Variants in TENT5D observed in about 807,000 individuals in gnomAD.
TENT5D encodes cancer/testis antigen 112.
For missense variants in TENT5D, 191 were observed against 287.0 expected (o/e 0.67, Z 2.42); for synonymous variants, 103 against 100.6 (o/e 1.02, Z -0.15).
chrX:80,371,307 G>T (rs902780536), intron 3 of TENT5D, among the ~76,000 whole-genome samples: 3 of 111,181 alleles, frequency 2.7e-5, no homozygotes. Context: ...CTATTTATAG[G>T]GCATAGAAAG....
intron 3 of TENT5D, among the ~76,000 whole-genome samples, chrX:80,376,778 C>G (rs1268169919): frequency 9.0e-6 from 1 of 111,564 alleles, no homozygotes; most frequent in East Asian, 2.8e-4. Context: ...ATTTTAAGGT[C>G]AAACATAGCA....
chrX:80,397,965 G>A lies in TENT5D; in HGVS notation c.-141-40645G>A, dbSNP rs184727366. 3.7e-3 allele frequency among the ~76,000 whole-genome samples: 405 copies of A among 110,913 alleles called. 2 individuals carry two copies. Among genetic ancestry groups the A allele is most frequent in the African/African-American group, 0.012 (380 of 30,464 alleles). ...CGTGGGAGAGGGCGAGGGAGGGAGA[G>A]GGAGAGGGAGAGGGAGAGGGAGCTA... On this transcript the variant is annotated intron_variant, in intron 3 of 4. Transcript: ENST00000538312.
intron 3 of TENT5D, among the ~76,000 whole-genome samples, chrX:80,411,100 G>C (rs1271817932): frequency 2.6e-5 from 2 of 76,488 alleles, no homozygotes; most frequent in African/African-American, 9.8e-5. Context: ...GTTGTGGGGT[G>C]GGGGGAGGGG....
intron 3 of TENT5D, among the ~76,000 whole-genome samples, chrX:80,358,571 T>A (rs1302948418): frequency 8.9e-6 from 1 of 112,325 alleles, no homozygotes; most frequent in African/African-American, 3.2e-5. Flanking sequence ...TATGGTTTTG[T>A]TTATTTTTTA....
intron 3 of TENT5D, among the ~76,000 whole-genome samples, chrX:80,358,609 A>G (rs1392663846): frequency 8.9e-6 from 1 of 112,229 alleles, no homozygotes; most frequent in African/African-American, 3.2e-5. Flanking sequence ...TTTGGAGAAT[A>G]GTTTCTTATA....
chrX:80,410,454 A>G (rs1341906391), intron 3 of TENT5D, among the ~76,000 whole-genome samples: 1 of 85,618 alleles, frequency 1.2e-5, no homozygotes, highest in African/African-American at 4.4e-5. Context: ...GACACTTCTC[A>G]AAAGAAGACA....
chrX:80,390,505 A>G (rs1051912588), intron 3 of TENT5D, among the ~76,000 whole-genome samples: 2 of 111,681 alleles, frequency 1.8e-5, no homozygotes, highest in Non-Finnish European at 3.8e-5. Flanking sequence ...GACGTTATAT[A>G]TAAGGCACTG....
At chrX:80,409,336 A>G (rs9723802) in intron 3 of TENT5D, among the ~76,000 whole-genome samples, 27 of 110,727 alleles carry the variant, frequency 2.4e-4, no homozygotes, top group African/African-American at 8.5e-4. Context: ...ACATGATTGT[A>G]TATCTAGAAA....
At chrX:80,436,371 G>A (rs1399867026) in intron 1 of TENT5D, among the ~76,000 whole-genome samples, 1 of 111,022 alleles carries the variant, frequency 9.0e-6, no homozygotes, top group African/African-American at 3.3e-5. Flanking sequence ...TATTAAAAGT[G>A]CATTTGTTTT....
At chrX:80,378,485 G>C (rs1185249203) in intron 3 of TENT5D, among the ~76,000 whole-genome samples, 1 of 111,021 alleles carries the variant, frequency 9.0e-6, no homozygotes, top group African/African-American at 3.3e-5. Flanking sequence ...TTTTAAATAG[G>C]ACATCCTTTC....
chrX:80,436,611 A>C (rs1449622668), intron 1 of TENT5D, among the ~76,000 whole-genome samples: 1 of 109,184 alleles, frequency 9.2e-6, no homozygotes, highest in Non-Finnish European at 1.9e-5. Flanking sequence ...TCACTGTTCA[A>C]CTCCCACTTA....
upstream of TENT5D, among the ~76,000 whole-genome samples, chrX:80,419,023 T>C (rs1317748950): frequency 8.9e-6 from 1 of 111,849 alleles, no homozygotes; most frequent in Non-Finnish European, 1.9e-5. Flanking sequence ...TAATTTGTTT[T>C]TTATTTTTTT....
chrX:80,353,426 T>G (rs1930225183), intron 3 of TENT5D, among the ~76,000 whole-genome samples: 1 of 111,569 alleles, frequency 9.0e-6, no homozygotes, highest in Non-Finnish European at 1.9e-5. Context: ...ATTTTCGCCC[T>G]CCTCCTATCC....
intron 3 of TENT5D, among the ~76,000 whole-genome samples, chrX:80,392,099 A>G (rs1931139714): frequency 8.9e-6 from 1 of 112,216 alleles, no homozygotes; most frequent in Admixed American, 9.4e-5. Context: ...TTTAAAATGT[A>G]GGTAATAATA....
intron 3 of TENT5D, among the ~76,000 whole-genome samples, chrX:80,362,604 A>C (rs1220085691): frequency 9.0e-6 from 1 of 111,258 alleles, no homozygotes; most frequent in Non-Finnish European, 1.9e-5. Context: ...TTTCCTTGCT[A>C]TATCTCCTTT....
At chrX:80,397,866 C>T (rs1175869133) in intron 3 of TENT5D, among the ~76,000 whole-genome samples, 2 of 111,410 alleles carry the variant, frequency 1.8e-5, no homozygotes, top group African/African-American at 6.5e-5. Flanking sequence ...TGCAGTGAGC[C>T]GAGATGGCAG....
chrX:80,384,144 T>G (rs1415398714), intron 3 of TENT5D, among the ~76,000 whole-genome samples: 1 of 103,514 alleles, frequency 9.7e-6, no homozygotes, highest in Non-Finnish European at 2.0e-5. Context: ...TAGACCAATA[T>G]CCCTGATGAA....
At chrX:80,382,446 G>C (rs1008484870) in intron 3 of TENT5D, among the ~76,000 whole-genome samples, 16 of 112,038 alleles carry the variant, frequency 1.4e-4, no homozygotes, top group Non-Finnish European at 2.6e-4. Context: ...CGGGGGTCAG[G>C]GACCCACTTG....
At chrX:80,411,664 A>G (rs919208125) in intron 3 of TENT5D, among the ~76,000 whole-genome samples, 2 of 112,214 alleles carry the variant, frequency 1.8e-5, no homozygotes, top group Non-Finnish European at 3.8e-5. Flanking sequence ...TCTTTTTTTC[A>G]GAAAAAGTGT....
Sources: gnomAD v4.1 joint callset for allele counts (sites outside exome capture counted in the v4.1 genomes callset) on GRCh38, gnomAD v4.1.1 for gene constraint, MANE v1.5 for transcripts, NCBI Gene and HGNC (gene_info 2026-07-23, HGNC 2026-07-21) for gene names.